Variants in SLC35B1 observed in about 807,000 individuals in gnomAD.
The protein encoded by SLC35B1 is solute carrier family 35 member B1.
Under a neutral mutation model 36.6 loss-of-function variants are expected in SLC35B1, and 27 were observed. The ratio of observed to expected loss-of-function variants is 0.74; its 90% CI spans 0.54 to 1.02. The LOEUF (loss-of-function observed/expected upper bound fraction) is 1.02, where lower values mean the gene tolerates loss of function less well. SLC35B1 is among the 50% of genes least tolerant of loss of function. SLC35B1 has a pLI of 0.00. For missense variants in SLC35B1, 321 were observed against 383.2 expected (o/e 0.84, Z 1.35); for synonymous variants, 162 against 152.5 (o/e 1.06, Z -0.46).
chr17:49,705,093 A>G, intron 5 of SLC35B1, 31 bp downstream of exon 5: 1 of 1,611,640 alleles, frequency 6.2e-7, no homozygotes, highest in South Asian at 1.1e-5. Context: ...GTTTGCTGGA[A>G]AAGGGTGCCT....
intron 1 of SLC35B1, chr17:49,707,415 G>A: frequency 6.9e-7 from 1 of 1,443,340 alleles, no homozygotes; most frequent in Non-Finnish European, 9.2e-7. Flanking sequence ...GCAAGCATCT[G>A]GGAGTACCAA....
chr17:49,706,310 C>G lies in SLC35B1; in HGVS notation c.233G>C (p.Arg78Thr). The G allele has an allele frequency of 2.6e-6, 4 of 1,549,076 alleles. No individual in the cohort carries two copies. Among genetic ancestry groups the G allele is most frequent in the Non-Finnish European group, 2.6e-6 (3 of 1,156,260 alleles). ...KILIQFFDTARVDRTRSWLYA... is the reference protein window; with the variant it reads ...KILIQFFDTATVDRTRSWLYA... ...GAGCCAGCTCCGGGTACGATCCACCCTGGCAGTGTCAAAAAACTGGATCAC... is the reference window on the plus strand; with the variant it reads ...GAGCCAGCTCCGGGTACGATCCACCGTGGCAGTGTCAAAAAACTGGATCAC... The change falls in exon 3 of 9, where the codon AGG (arginine) becomes ACG (threonine). Residue 78 changes from arginine to threonine, a missense_variant. Transcript: ENST00000240333.
Position 49,706,231 on chromosome 17 carries a change from T to G in SLC35B1, c.312A>C (p.Ala104=). Residue 104 remains alanine (A), a synonymous_variant, in exon 3 of 9, where the codon GCA becomes GCC. Coordinates refer to ENST00000240333, the MANE Select transcript of SLC35B1 (RefSeq NM_005827.4). ...GAGTTGGGTAGTTGACAAACTGTAG[T>G]GCTGAATTGCTGGAGACCATGGCAC... ...YLGAMVSSNS[A]LQFVNYPTQV... is the part of the protein sequence containing the mutation. The G allele has an allele frequency of 6.2e-7, 1 of 1,603,592 alleles. No individual in the cohort carries two copies. The highest frequency in any genetic ancestry group is 8.5e-7 in the Non-Finnish European group (1 of 1,177,548).
intron 8 of SLC35B1, 184 bp downstream of exon 8, chr17:49,702,674 C>T (rs2073365743): frequency 1.7e-6 from 1 of 578,812 alleles, no homozygotes; most frequent in Admixed American, 3.1e-5. Context: ...GGAGGAGGCT[C>T]ACCCGATTGG....
chr17:49,707,636 G>A (rs1376566983), intron 1 of SLC35B1, 94 bp downstream of exon 1: 2 of 1,481,450 alleles, frequency 1.4e-6, no homozygotes, highest in Non-Finnish European at 9.2e-7. Context: ...CCGGGCAGGA[G>A]GACAAGAGGA....
In SLC35B1 at chr17:49,701,390, T is replaced by C. The variant is rs1449483034; in HGVS notation, c.*68A>G. 2 of 1,275,476 alleles carry C rather than the reference T, an allele frequency of 1.6e-6. No homozygotes were observed. The highest frequency in any genetic ancestry group is 2.9e-5 in the African/African-American group (2 of 68,156). The allele number at this position is 1,275,476 out of a possible 1,614,324, so 79.0% of individuals were successfully genotyped here. ...TCCCATATTCCTATTAAGTCCATTT[T>C]CCCAAGAGATGTCACTGTTTGAGAT... On this transcript the variant is annotated 3_prime_UTR_variant, in exon 9 of 9. Coordinates refer to ENST00000240333, the MANE Select transcript of SLC35B1 (RefSeq NM_005827.4).
At position 49,704,012 on chromosome 17, in the gene SLC35B1, T is replaced by TG. The variant is rs551847855; in HGVS notation, c.655+87dup. 3.5e-3 allele frequency: 5,535 copies of TG among 1,569,168 alleles called. 14 individuals carry two copies. Among genetic ancestry groups the TG allele is most frequent in the Middle Eastern group, 4.2e-3 (25 of 5,960 alleles). On this transcript the variant is annotated intron_variant, in intron 6 of 8. Coordinates refer to ENST00000240333, the MANE Select transcript of SLC35B1 (RefSeq NM_005827.4). ...TTGGAACTAATTCAGGCCCTTGGTC[T>TG]GGGCAACTAACAGCTAGAGGGATCA...
intron 6 of SLC35B1, 140 bp from the exon 7 acceptor site, chr17:49,703,434 G>A (rs181236708): frequency 1.5e-6 from 1 of 655,722 alleles, no homozygotes; most frequent in East Asian, 2.8e-5. Flanking sequence ...GCGGGAAAGT[G>A]TATGGTGTGG....
intron 6 of SLC35B1, 113 bp downstream of exon 6, chr17:49,703,987 T>C: frequency 7.0e-7 from 1 of 1,420,726 alleles, no homozygotes; most frequent in Non-Finnish European, 9.9e-7. Context: ...AAAGGGCATC[T>C]TGGAACTAAT....
chr17:49,705,782 CCGAGA>C, intron 4 of SLC35B1, 79 bp downstream of exon 4: 1 of 1,352,044 alleles, frequency 7.4e-7, no homozygotes, highest in Non-Finnish European at 1.1e-6. Context: ...GATGATGAAG[CCGAGA>C]GGGACACAGT....
At chr17:49,702,600 T>C (rs1307030703) in intron 8 of SLC35B1, 2 of 368,106 alleles carry the variant, frequency 5.4e-6, no homozygotes, top group Admixed American at 7.7e-5. Context: ...GGCATGGTGG[T>C]GCATGCCTGT....
At chr17:49,703,461 CATT>C (rs1195352796) in intron 6 of SLC35B1, 167 bp from the exon 7 acceptor site, 13 of 575,060 alleles carry the variant, frequency 2.3e-5, no homozygotes, top group East Asian at 6.0e-5. Context: ...ATCGTCTCAT[CATT>C]GATTCTTCTC....
chr17:49,701,570 T>G, intron 8 of SLC35B1, 60 bp from the exon 9 acceptor site: 4 of 1,440,426 alleles, frequency 2.8e-6, no homozygotes, highest in Non-Finnish European at 3.9e-6. Context: ...TACCAATGAT[T>G]GTGGTGGGGT....
At chr17:49,706,094 AC>A in intron 3 of SLC35B1, 109 bp downstream of exon 3, 1 of 1,324,936 alleles carries the variant, frequency 7.5e-7, no homozygotes, top group Non-Finnish European at 1.0e-6. Flanking sequence ...GTCTTACAGG[AC>A]CGTTATCTTT....
chr17:49,707,592 C>T (rs184244824), intron 1 of SLC35B1, 138 bp downstream of exon 1: 1 of 1,453,214 alleles, frequency 6.9e-7, no homozygotes, highest in African/African-American at 1.4e-5. Flanking sequence ...TCAGCCATAG[C>T]TGCAAAAGTA....
At position 49,701,477 on chromosome 17, in the gene SLC35B1, G is replaced by A; in HGVS notation, c.950C>T (p.Ala317Val). Residue 317 changes from alanine (A) to valine (V), a missense_variant, in exon 9 of 9, where the codon GCT (alanine) becomes GTT (valine). Coordinates refer to ENST00000240333, the MANE Select transcript of SLC35B1 (RefSeq NM_005827.4). ...LGLDAKFGKG[A>V]KKTSH ...CTCTTCCTAGTGGGATGTCTTCTTA[G>A]CTCCTTTCCCAAACTTGGCATCAAG... 1 of 1,613,646 alleles carries A rather than the reference G, an allele frequency of 6.2e-7. No individual in the cohort carries two copies.
In SLC35B1 at chr17:49,701,314, G is replaced by A. The variant is rs1293783002; in HGVS notation, c.*144C>T. On this transcript the variant is annotated 3_prime_UTR_variant, in exon 9 of 9. Coordinates refer to ENST00000240333, the MANE Select transcript of SLC35B1 (RefSeq NM_005827.4). The stretch of plus-strand genomic sequence containing the variant: ...TGTTAAAATCCAAGTGCATTTTTTA[G>A]AATATGTGATTTTGCTTGATTTTAT... 1.5e-5 allele frequency: 10 copies of A among 657,584 alleles called. No individual in the cohort carries two copies. Among genetic ancestry groups the A allele is most frequent in the Non-Finnish European group, 2.6e-5 (10 of 378,064 alleles). The allele number at this position is 657,584 out of a possible 1,614,324, so 40.7% of individuals were successfully genotyped here.
chr17:49,708,049 C>T (rs778689200), upstream of SLC35B1: 13 of 1,076,282 alleles, frequency 1.2e-5, no homozygotes, highest in Middle Eastern at 2.0e-4. Context: ...GCAACCACTT[C>T]CTAGGAAAGA....
At chr17:49,708,130 G>T (rs1261868309), upstream of SLC35B1, 4 of 701,344 alleles carry the variant, frequency 5.7e-6, no homozygotes, top group East Asian at 1.1e-4. Context: ...CTGATCCCTC[G>T]CCCTGGAGAT....
Sources: allele counts gnomAD v4.1 joint callset, GRCh38; gene constraint gnomAD v4.1.1; transcripts MANE v1.5; gene names NCBI Gene and HGNC (gene_info 2026-07-23, HGNC 2026-07-21).